Variants in IL1RAPL1 observed in about 807,000 individuals in gnomAD.
IL1RAPL1 encodes interleukin-1 receptor accessory protein-like 1.
Under a neutral mutation model 48.4 loss-of-function variants are expected in IL1RAPL1, and 3 were observed. The observed-to-expected ratio is 0.06, with a 90% CI of 0.03 to 0.16. The LOEUF is 0.16. Ranked by LOEUF, IL1RAPL1 falls within the 10% of genes least tolerant of loss-of-function variation. IL1RAPL1 has a pLI of 1.00. For missense variants in IL1RAPL1, 349 were observed against 530.6 expected (o/e 0.66, Z 3.36); for synonymous variants, 185 against 187.7 (o/e 0.99, Z 0.12).
intron 5 of IL1RAPL1, among the ~76,000 whole-genome samples, chrX:29,639,226 T>A (rs1355183077): frequency 8.9e-6 from 1 of 112,072 alleles, no homozygotes. Flanking sequence ...ATTTTTAGAT[T>A]TGTTTTTTTT....
chrX:29,097,697 G>GA (rs199601514), intron 2 of IL1RAPL1, among the ~76,000 whole-genome samples: 43,431 of 107,969 alleles, frequency 0.4, 7,705 homozygotes, highest in Non-Finnish European at 0.55. Flanking sequence ...CAACTACACT[G>GA]AAAAAAAAAT....
At chrX:29,292,694 G>A (rs926498350) in intron 3 of IL1RAPL1, among the ~76,000 whole-genome samples, 6 of 110,993 alleles carry the variant, frequency 5.4e-5, no homozygotes, top group Admixed American at 9.7e-5. Flanking sequence ...GTGCATATGT[G>A]TTCCAAGGAT....
At chrX:28,901,677 T>G (rs1010207745) in intron 2 of IL1RAPL1, among the ~76,000 whole-genome samples, 4 of 112,217 alleles carry the variant, frequency 3.6e-5, no homozygotes, top group African/African-American at 1.3e-4. Flanking sequence ...TTATTTTGTA[T>G]CACTACATTC....
At chrX:28,846,291 C>A (rs1281213408) in intron 2 of IL1RAPL1, among the ~76,000 whole-genome samples, 1 of 111,753 alleles carries the variant, frequency 8.9e-6, no homozygotes, top group Non-Finnish European at 1.9e-5. Context: ...ATTCTATTGT[C>A]GGGATGTACC....
At chrX:29,805,052 A>G (rs1930220165) in intron 6 of IL1RAPL1, among the ~76,000 whole-genome samples, 1 of 112,569 alleles carries the variant, frequency 8.9e-6, no homozygotes, top group African/African-American at 3.2e-5. Flanking sequence ...GACACTGACA[A>G]TTATTTCCCT....
chrX:29,625,287 G>A (rs1924584441), intron 5 of IL1RAPL1, among the ~76,000 whole-genome samples: 1 of 111,724 alleles, frequency 9.0e-6, no homozygotes, highest in Non-Finnish European at 1.9e-5. Context: ...TCATCTGAAA[G>A]TATAACCTAA....
intron 2 of IL1RAPL1, among the ~76,000 whole-genome samples, chrX:28,924,331 A>C (rs1427102854): frequency 8.9e-6 from 1 of 112,274 alleles, no homozygotes; most frequent in Non-Finnish European, 1.9e-5. Flanking sequence ...TTTAAAGATT[A>C]CATGCAATAA....
intron 2 of IL1RAPL1, among the ~76,000 whole-genome samples, chrX:29,005,185 G>T (rs1227112320): frequency 8.9e-6 from 1 of 112,021 alleles, no homozygotes; most frequent in Admixed American, 9.5e-5. Flanking sequence ...TTAAACAAAA[G>T]TGATACATTT....
intron 2 of IL1RAPL1, among the ~76,000 whole-genome samples, chrX:29,102,662 A>G (rs1928366119): frequency 1.9e-5 from 2 of 107,249 alleles, no homozygotes; most frequent in South Asian, 8.2e-4. Context: ...GCAAAACTCC[A>G]TCTCAAAAAA....
chrX:29,340,745 G>A (rs988435661), intron 3 of IL1RAPL1, among the ~76,000 whole-genome samples: 5 of 111,421 alleles, frequency 4.5e-5, no homozygotes, highest in Non-Finnish European at 5.7e-5. Flanking sequence ...AGGTATTATG[G>A]TGAGAGCTAT....
At chrX:29,370,397 C>T (rs1933528159) in intron 3 of IL1RAPL1, among the ~76,000 whole-genome samples, 1 of 109,921 alleles carries the variant, frequency 9.1e-6, no homozygotes. Context: ...ATAAATAGTA[C>T]ACTTTTCCAC....
intron 1 of IL1RAPL1, among the ~76,000 whole-genome samples, chrX:28,658,420 G>A (rs1173722554): frequency 1.8e-5 from 2 of 111,449 alleles, no homozygotes. Context: ...TTTCACCATG[G>A]TGATCAGGCT....
intron 2 of IL1RAPL1, among the ~76,000 whole-genome samples, chrX:29,172,443 T>G (rs1401617969): frequency 9.0e-6 from 1 of 111,459 alleles, no homozygotes; most frequent in Non-Finnish European, 1.9e-5. Flanking sequence ...TGTATATATT[T>G]GAGGCTTACA....
intron 5 of IL1RAPL1, among the ~76,000 whole-genome samples, chrX:29,613,901 C>G (rs1217631017): frequency 9.4e-6 from 1 of 106,711 alleles, no homozygotes; most frequent in Non-Finnish European, 1.9e-5. Context: ...GTAGCTGGGA[C>G]TACAGGCGCC....
chrX:29,051,576 C>T (rs1461446889), intron 2 of IL1RAPL1, among the ~76,000 whole-genome samples: 4 of 112,198 alleles, frequency 3.6e-5, no homozygotes, highest in African/African-American at 1.3e-4. Flanking sequence ...GAAAGCAATC[C>T]GGCTGGGGAT....
chrX:29,550,932 C>T (rs1215513796), intron 5 of IL1RAPL1, among the ~76,000 whole-genome samples: 1 of 112,115 alleles, frequency 8.9e-6, no homozygotes, highest in African/African-American at 3.2e-5. Context: ...GTCATATCTT[C>T]AAAACTGAAA....
chrX:29,773,926 A>G (rs915947103), intron 6 of IL1RAPL1, among the ~76,000 whole-genome samples: 2 of 112,210 alleles, frequency 1.8e-5, no homozygotes, highest in Non-Finnish European at 1.9e-5. Flanking sequence ...TGGTCTCCCA[A>G]TTTTATGCCT....
At chrX:28,681,057 G>A (rs905882988) in intron 1 of IL1RAPL1, among the ~76,000 whole-genome samples, 3 of 111,501 alleles carry the variant, frequency 2.7e-5, no homozygotes, top group African/African-American at 9.7e-5. Context: ...TTCTGTTGTT[G>A]TTGGAAGGTT....
At chrX:29,167,905 T>C (rs1305826582) in intron 2 of IL1RAPL1, among the ~76,000 whole-genome samples, 2 of 111,008 alleles carry the variant, frequency 1.8e-5, no homozygotes, top group African/African-American at 3.3e-5. Context: ...TCTTTTTAAA[T>C]GAAATATGCA....
Sources: allele counts gnomAD v4.1 joint callset (sites outside exome capture counted in the v4.1 genomes callset), GRCh38; gene constraint gnomAD v4.1.1; transcripts MANE v1.5; gene names NCBI Gene and HGNC (gene_info 2026-07-23, HGNC 2026-07-21).